Variants in HDAC9 observed in about 807,000 individuals in gnomAD.
The protein encoded by HDAC9 is histone deacetylase 9, also known as MEF-2 interacting transcription repressor (MITR) protein.
HDAC9 carries 41 observed loss-of-function variants against 139.4 expected under a neutral mutation model. That is an observed-to-expected ratio of 0.29 (90% confidence interval 0.23 to 0.38). HDAC9 has a LOEUF of 0.38. Among genes scored for constraint, HDAC9 ranks in the 10% least tolerant of loss-of-function variants. The pLI, the probability that HDAC9 is intolerant of heterozygous loss-of-function variation, is 1.00. For missense variants in HDAC9, 1,147 were observed against 1,297.0 expected, an observed-to-expected ratio of 0.88 and a Z score of 1.78; for synonymous variants, 517 against 476.2, an observed-to-expected ratio of 1.09 and a Z score of -1.12.
At chr7:18,919,879 A>G (rs921231786) in intron 22 of HDAC9, among the ~76,000 whole-genome samples, 1 of 152,128 alleles carries the variant, frequency 6.6e-6, no homozygotes, top group African/African-American at 2.4e-5. Context: ...TACCAGTACC[A>G]TGCTGTTTTA....
chr7:18,915,097 G>T (rs1352520182), intron 22 of HDAC9, among the ~76,000 whole-genome samples: 3 of 152,162 alleles, frequency 2.0e-5, no homozygotes, highest in African/African-American at 2.4e-5. Context: ...GTACGCATTT[G>T]TGCATGTGTC....
intron 2 of HDAC9, among the ~76,000 whole-genome samples, chr7:18,570,392 CAT>C (rs1823884276): frequency 6.6e-6 from 1 of 152,122 alleles, no homozygotes; most frequent in African/African-American, 2.4e-5. Context: ...TTCAATTACA[CAT>C]ATCTCTGTGG....
chr7:18,724,124 A>G (rs2129126408), intron 12 of HDAC9, among the ~76,000 whole-genome samples: 1 of 152,302 alleles, frequency 6.6e-6, no homozygotes, highest in Admixed American at 6.5e-5. Flanking sequence ...CATATTTAAA[A>G]TTAAACATCA....
At chr7:18,908,373 T>G (rs1471969412) in intron 22 of HDAC9, among the ~76,000 whole-genome samples, 1 of 152,156 alleles carries the variant, frequency 6.6e-6, no homozygotes, top group Non-Finnish European at 1.5e-5. Context: ...CCTCAAGCGC[T>G]TATCATTTCT....
At chr7:18,259,787 G>T (rs796165316) in intron 2 of HDAC9, among the ~76,000 whole-genome samples, 1 of 152,100 alleles carries the variant, frequency 6.6e-6, no homozygotes, top group Non-Finnish European at 1.5e-5. Flanking sequence ...ATCACCTTTC[G>T]AGCCCACTTT....
At chr7:18,853,616 G>T (rs1447677167) in intron 21 of HDAC9, among the ~76,000 whole-genome samples, 1 of 151,962 alleles carries the variant, frequency 6.6e-6, no homozygotes, top group Non-Finnish European at 1.5e-5. Flanking sequence ...CATCTTTAAA[G>T]TACCTATTTG....
chr7:18,319,938 C>G (rs145696001), intron 1 of HDAC9, among the ~76,000 whole-genome samples: 2 of 152,224 alleles, frequency 1.3e-5, no homozygotes, highest in African/African-American at 2.4e-5. Flanking sequence ...TTTAGTTACT[C>G]TAGCAGGTTT....
intron 2 of HDAC9, among the ~76,000 whole-genome samples, chr7:18,281,471 G>A (rs1296308264): frequency 1.3e-5 from 2 of 152,152 alleles, no homozygotes; most frequent in African/African-American, 4.8e-5. Flanking sequence ...ACCTGGTGAA[G>A]GTTTCAGGAA....
intron 1 of HDAC9, among the ~76,000 whole-genome samples, chr7:18,397,716 C>T (rs897023571): frequency 6.6e-6 from 1 of 152,136 alleles, no homozygotes; most frequent in African/African-American, 2.4e-5. Context: ...AATACATTCT[C>T]TATGACATCC....
intron 22 of HDAC9, among the ~76,000 whole-genome samples, chr7:18,875,006 G>A (rs1219524548): frequency 6.6e-6 from 1 of 152,116 alleles, no homozygotes; most frequent in East Asian, 1.9e-4. Context: ...ATAATATTAT[G>A]CACTTCCAAG....
chr7:18,094,609 T>G (rs147396280), intron 1 of HDAC9, among the ~76,000 whole-genome samples: 3 of 151,950 alleles, frequency 2.0e-5, no homozygotes, highest in Non-Finnish European at 4.4e-5. Flanking sequence ...TTAAAAAAAA[T>G]TATTTATTGT....
chr7:18,830,557 T>C lies in HDAC9; in HGVS notation c.2466+1009T>C, dbSNP rs75868174. Among the ~76,000 whole-genome samples, 1,254 of 152,304 alleles carry C rather than the reference T, an allele frequency of 8.2e-3. 20 individuals are homozygous for C. Among genetic ancestry groups the C allele is most frequent in the African/African-American group, 0.029 (1,201 of 41,558 alleles). ...CTCGCCCTCCAGCCTTCGAATCCAG[T>C]TAAGCAGGCACACCAAAGGGTTGAG... On this transcript the variant is annotated intron_variant, in intron 19 of 25. Transcript: ENST00000686413.
intron 17 of HDAC9, among the ~76,000 whole-genome samples, chr7:18,825,778 TA>T (rs1466821294): frequency 6.7e-5 from 10 of 148,252 alleles, no homozygotes; most frequent in Admixed American, 1.4e-4. Flanking sequence ...TATAGATATA[TA>T]AAACCTTCAC....
intron 22 of HDAC9, among the ~76,000 whole-genome samples, chr7:18,928,773 C>T (rs537948592): frequency 5.9e-5 from 9 of 151,728 alleles, no homozygotes; most frequent in African/African-American, 1.9e-4. Context: ...TATTTCTGGT[C>T]GATGGAACTA....
chr7:18,737,937 G>A (rs1282275299), intron 13 of HDAC9, among the ~76,000 whole-genome samples: 1 of 152,164 alleles, frequency 6.6e-6, no homozygotes, highest in Admixed American at 6.5e-5. Context: ...ATGAATCTGG[G>A]TGCTCCTGCA....
intron 12 of HDAC9, among the ~76,000 whole-genome samples, chr7:18,686,539 A>G (rs10486289): frequency 0.04 from 6,041 of 151,950 alleles, 243 homozygotes; most frequent in African/African-American, 0.11. Context: ...CCATTCTTAT[A>G]TTACATACTT....
rs115022653 is a variant in HDAC9, at chr7:18,521,886, G to A, written c.22+25562G>A. ...TTTACAGCATTTTAGAGTTTTACAC[G>A]AGGTTTAGATTTGACTAAGCCTTAG... On this transcript the variant is annotated intron_variant, in intron 2 of 25. Coordinates refer to ENST00000686413, the MANE Select transcript of HDAC9 (RefSeq NM_178425.4). Among the ~76,000 whole-genome samples, 938 of 152,160 alleles carry A rather than the reference G, an allele frequency of 6.2e-3. 8 individuals carry two copies. The highest frequency in any genetic ancestry group is 0.022 in the African/African-American group (908 of 41,504).
chr7:18,429,504 C>G (rs1394368741), intron 1 of HDAC9, among the ~76,000 whole-genome samples: 1 of 151,948 alleles, frequency 6.6e-6, no homozygotes, highest in South Asian at 2.1e-4. Context: ...TTAATGTCCT[C>G]AATTGCAGAT....
At chr7:18,802,468 A>T (rs2588621) in intron 17 of HDAC9, among the ~76,000 whole-genome samples, 59,862 of 151,666 alleles carry the variant, frequency 0.39, 13,583 homozygotes, top group African/African-American at 0.63. Flanking sequence ...GCTTAAATAG[A>T]ATCGGCATCC....
Sources: allele counts gnomAD v4.1 joint callset (sites outside exome capture counted in the v4.1 genomes callset), GRCh38; gene constraint gnomAD v4.1.1; transcripts MANE v1.5; gene names NCBI Gene and HGNC (gene_info 2026-07-23, HGNC 2026-07-21).